Variants in CPQ observed in about 807,000 individuals in gnomAD.
The protein encoded by CPQ is carboxypeptidase Q, also known as Ser-Met dipeptidase.
CPQ carries 37 observed loss-of-function variants against 45.7 expected under a neutral mutation model. That is an observed-to-expected ratio of 0.81 (90% CI 0.62 to 1.07). CPQ has a LOEUF of 1.07. CPQ is among the 50% of genes least tolerant of loss of function. The probability of loss-of-function intolerance (pLI) is 0.00; values close to 1 mark genes in which losing one functional copy is unlikely to be tolerated. For synonymous variants in CPQ, 186 were observed against 205.8 expected, an observed-to-expected ratio of 0.90 and a Z score of 0.82; for missense variants, 537 against 572.9, an observed-to-expected ratio of 0.94 and a Z score of 0.64.
At chr8:96,976,247 CAAAAAAAAAAAA>C (rs55864086) in intron 5 of CPQ, among the ~76,000 whole-genome samples, 4 of 60,830 alleles carry the variant, frequency 6.6e-5, no homozygotes, top group Non-Finnish European at 1.2e-4. Flanking sequence ...CAATAGCTGA[CAAAAAAAAAAAA>C]AAAAAAAAAA....
intron 3 of CPQ, among the ~76,000 whole-genome samples, chr8:96,878,307 G>A (rs1812175644): frequency 6.6e-6 from 1 of 152,188 alleles, no homozygotes; most frequent in African/African-American, 2.4e-5. Context: ...GGTATACTCA[G>A]ATGGTACTAA....
chr8:97,049,047 T>G (rs1211322917), intron 6 of CPQ, among the ~76,000 whole-genome samples: 1 of 152,202 alleles, frequency 6.6e-6, no homozygotes, highest in African/African-American at 2.4e-5. Flanking sequence ...ACATTCCTAT[T>G]GTACAAAAGT....
intron 1 of CPQ, among the ~76,000 whole-genome samples, chr8:96,730,896 T>TATATATATATATACA (rs1563481761): frequency 1.3e-5 from 1 of 76,078 alleles, no homozygotes; most frequent in Non-Finnish European, 3.7e-5. Flanking sequence ...TATATATGCA[T>TATATATATATATACA]TTTTTTTTAA....
intron 4 of CPQ, among the ~76,000 whole-genome samples, chr8:96,964,581 T>C (rs78942262): frequency 6.6e-6 from 1 of 152,156 alleles, no homozygotes; most frequent in African/African-American, 2.4e-5. Flanking sequence ...TTCACTCTCT[T>C]AGTGGGGTCT....
chr8:97,008,052 G>A (rs115658060), intron 5 of CPQ, among the ~76,000 whole-genome samples: 228 of 152,260 alleles, frequency 1.5e-3, no homozygotes, highest in African/African-American at 5.2e-3. Flanking sequence ...CATTATGTGT[G>A]CTGGGATGGT....
At chr8:96,818,691 C>T (rs1423843867) in intron 2 of CPQ, among the ~76,000 whole-genome samples, 1 of 152,052 alleles carries the variant, frequency 6.6e-6, no homozygotes, top group East Asian at 1.9e-4. Context: ...CAGATACAGA[C>T]ATATGTCCTT....
chr8:96,927,871 G>A (rs1383638319), intron 4 of CPQ, among the ~76,000 whole-genome samples: 3 of 152,150 alleles, frequency 2.0e-5, no homozygotes, highest in African/African-American at 7.2e-5. Context: ...GCCCTGAGAT[G>A]ACATGGGTTC....
intron 2 of CPQ, among the ~76,000 whole-genome samples, chr8:96,808,315 G>A (rs1811112479): frequency 6.6e-6 from 1 of 152,128 alleles, no homozygotes; most frequent in Non-Finnish European, 1.5e-5. Flanking sequence ...TGGTAGTTTA[G>A]CTGCAGCTGC....
At chr8:96,818,967 T>C (rs1312151462) in intron 2 of CPQ, among the ~76,000 whole-genome samples, 1 of 152,140 alleles carries the variant, frequency 6.6e-6, no homozygotes, top group Non-Finnish European at 1.5e-5. Context: ...CTTTTTCTCT[T>C]CTGTGAAATC....
chr8:96,762,121 T>A (rs1810412887), intron 1 of CPQ, among the ~76,000 whole-genome samples: 1 of 148,756 alleles, frequency 6.7e-6, no homozygotes, highest in African/African-American at 2.4e-5. Context: ...ATTACATATT[T>A]AGCTGGAATT....
chr8:97,038,682 C>T (rs1440290823), intron 6 of CPQ, among the ~76,000 whole-genome samples: 1 of 151,656 alleles, frequency 6.6e-6, no homozygotes, highest in African/African-American at 2.4e-5. Flanking sequence ...CAGGGGTTGG[C>T]AAACTTTTTT....
Position 96,722,420 on chromosome 8 carries a change from G to GT in CPQ, c.-34-62434dup, listed in dbSNP as rs112835923. Reference sequence around the variant, plus strand: ...GTTTTATTGAAATATAACCATACCAGTTTTTTTTTTCACATATTATCTATC... The same window carrying GT: ...GTTTTATTGAAATATAACCATACCAGTTTTTTTTTTTCACATATTATCTATC... On this transcript the variant is annotated intron_variant, in intron 1 of 7. Coordinates refer to ENST00000220763, the MANE Select transcript of CPQ (RefSeq NM_016134.4). 6.3e-3 allele frequency among the ~76,000 whole-genome samples: 939 copies of GT among 149,248 alleles called. 11 individuals are homozygous for GT. The highest frequency in any genetic ancestry group is 0.014 in the African/African-American group (575 of 40,860).
intron 1 of CPQ, among the ~76,000 whole-genome samples, chr8:96,658,959 T>C (rs1815668287): frequency 1.3e-5 from 2 of 152,188 alleles, no homozygotes; most frequent in African/African-American, 4.8e-5. Context: ...AATAATAAAT[T>C]TGTATTCAGA....
At chr8:96,656,958 T>A (rs1815645252) in intron 1 of CPQ, among the ~76,000 whole-genome samples, 1 of 151,820 alleles carries the variant, frequency 6.6e-6, no homozygotes, top group Non-Finnish European at 1.5e-5. Flanking sequence ...CAGATGGGAG[T>A]GGGCTTTCTG....
At chr8:97,013,609 G>A (rs1231422969) in intron 5 of CPQ, among the ~76,000 whole-genome samples, 1 of 152,148 alleles carries the variant, frequency 6.6e-6, no homozygotes, top group Non-Finnish European at 1.5e-5. Flanking sequence ...TGCATAAGTT[G>A]AGAGAAAAAG....
intron 6 of CPQ, among the ~76,000 whole-genome samples, chr8:97,063,142 T>C (rs2130523760): frequency 6.6e-6 from 1 of 152,308 alleles, no homozygotes; most frequent in South Asian, 2.1e-4. Context: ...CACCAGCATG[T>C]ACTTTTTTTA....
intron 7 of CPQ, among the ~76,000 whole-genome samples, chr8:97,076,588 G>T (rs1337183352): frequency 2.0e-5 from 3 of 152,026 alleles, no homozygotes; most frequent in Non-Finnish European, 4.4e-5. Flanking sequence ...TGTTACAGAT[G>T]CCAAGTATTT....
chr8:96,660,186 G>A (rs1315830817), intron 1 of CPQ, among the ~76,000 whole-genome samples: 1 of 152,184 alleles, frequency 6.6e-6, no homozygotes, highest in Non-Finnish European at 1.5e-5. Context: ...GGAAGTCCAA[G>A]ATCAAAGTGT....
rs564400419 is a variant in CPQ at position 96,936,859 on chromosome 8, A to G, written c.850-29076A>G. On this transcript the variant is annotated intron_variant, in intron 4 of 7. Transcript: ENST00000220763. ...TATCTATTACTTTATCTTTACCTTG[A>G]TTTCTCCATTCCCATAGCTTTAAAA... Among the ~76,000 whole-genome samples the G allele has an allele frequency of 3.9e-5, 6 of 152,182 alleles. No homozygotes were observed. In the South Asian group the frequency reaches 1.0e-3, roughly 26 times the overall value.
Sources: allele counts gnomAD v4.1 joint callset (sites outside exome capture counted in the v4.1 genomes callset), GRCh38; gene constraint gnomAD v4.1.1; transcripts MANE v1.5; gene names NCBI Gene and HGNC (gene_info 2026-07-23, HGNC 2026-07-21).